Variants in GRHL2 observed in about 807,000 individuals in gnomAD.
GRHL2 encodes grainyhead like transcription factor 2.
Under a neutral mutation model 83.8 loss-of-function variants are expected in GRHL2, and 21 were observed. The ratio of observed to expected loss-of-function variants is 0.25; its 90% CI spans 0.18 to 0.36. The LOEUF is 0.36. Ranked by LOEUF, GRHL2 falls within the 10% of genes least tolerant of loss-of-function variation. GRHL2 has a pLI of 1.00. For missense variants in GRHL2, 623 were observed against 781.8 expected, an observed-to-expected ratio of 0.80 and a Z score of 2.42; for synonymous variants, 280 against 278.9, an observed-to-expected ratio of 1.00 and a Z score of -0.04.
At chr8:101,636,840 A>T in intron 11 of GRHL2, 57 bp from the exon 12 acceptor site, 1 of 1,502,022 alleles carries the variant, frequency 6.7e-7, no homozygotes, top group South Asian at 1.1e-5. Flanking sequence ...ACATCACGTA[A>T]TATTTTTTCC....
At chr8:101,575,206 CTTTT>C (rs571423616) in intron 6 of GRHL2, among the ~76,000 whole-genome samples, 2 of 144,654 alleles carry the variant, frequency 1.4e-5, no homozygotes, top group Non-Finnish European at 3.1e-5. Context: ...AATAAATTAG[CTTTT>C]TTTTTTTTAA....
chr8:101,665,788 C>CA (rs1814038133), intron 15 of GRHL2, among the ~76,000 whole-genome samples: 1 of 148,512 alleles, frequency 6.7e-6, no homozygotes, highest in African/African-American at 2.5e-5. Context: ...CCTGCTGACA[C>CA]ATAACTGTAA....
At chr8:101,596,363 CTT>C (rs1812391554) in intron 7 of GRHL2, among the ~76,000 whole-genome samples, 1 of 152,172 alleles carries the variant, frequency 6.6e-6, no homozygotes, top group Admixed American at 6.6e-5. Context: ...AGCAGGAACA[CTT>C]TGACAAAATG....
At chr8:101,562,971 T>A (rs903163077) in intron 4 of GRHL2, among the ~76,000 whole-genome samples, 1 of 152,222 alleles carries the variant, frequency 6.6e-6, no homozygotes, top group African/African-American at 2.4e-5. Flanking sequence ...AAAATGCAGC[T>A]GCCTGAGCTT....
intron 1 of GRHL2, among the ~76,000 whole-genome samples, chr8:101,533,284 A>C (rs1450793287): frequency 2.0e-5 from 3 of 152,240 alleles, no homozygotes; most frequent in Non-Finnish European, 4.4e-5. Flanking sequence ...ATAGCTCAAA[A>C]CCAACTTTAC....
chr8:101,589,903 T>A (rs919488154), intron 7 of GRHL2, among the ~76,000 whole-genome samples: 3 of 152,134 alleles, frequency 2.0e-5, no homozygotes, highest in African/African-American at 7.2e-5. Context: ...GCCTCTGGCA[T>A]GTATGTAGAT....
chr8:101,628,961 T>C (rs1463775569), intron 9 of GRHL2, among the ~76,000 whole-genome samples: 1 of 152,160 alleles, frequency 6.6e-6, no homozygotes, highest in African/African-American at 2.4e-5. Flanking sequence ...CTACTACTGG[T>C]GAAGAGGCTG....
chr8:101,676,806 C>T, the GRHL2 span, among the ~76,000 whole-genome samples: 1 of 152,114 alleles, frequency 6.6e-6, no homozygotes, highest in Non-Finnish European at 1.5e-5. Flanking sequence ...GACTTGGAAC[C>T]AACCCAAATG....
chr8:101,516,858 T>G (rs1015655140), intron 1 of GRHL2, among the ~76,000 whole-genome samples: 1 of 152,228 alleles, frequency 6.6e-6, no homozygotes, highest in Non-Finnish European at 1.5e-5. Context: ...GTTTCTTCAC[T>G]TATTGCCACC....
intron 8 of GRHL2, among the ~76,000 whole-genome samples, chr8:101,617,765 A>G (rs1326610446): frequency 6.6e-6 from 1 of 152,150 alleles, no homozygotes; most frequent in Non-Finnish European, 1.5e-5. Flanking sequence ...TCAGCCTTCC[A>G]AAGTGCTGGG....
intron 4 of GRHL2, among the ~76,000 whole-genome samples, chr8:101,567,714 G>A (rs564539123): frequency 4.6e-5 from 7 of 152,302 alleles, no homozygotes; most frequent in South Asian, 2.1e-4. Flanking sequence ...GTGGGATTCT[G>A]TATTTCAGCC....
chr8:101,627,267 C>T (rs1285933368), intron 9 of GRHL2, among the ~76,000 whole-genome samples: 1 of 152,102 alleles, frequency 6.6e-6, no homozygotes, highest in South Asian at 2.1e-4. Context: ...ATTTTGCCAA[C>T]AGCATGTGTT....
At chr8:101,671,540 C>T (rs891657917), downstream of GRHL2, among the ~76,000 whole-genome samples, 58 of 152,310 alleles carry the variant, frequency 3.8e-4, no homozygotes, top group Non-Finnish European at 6.6e-4. Flanking sequence ...CTGGGAAGCT[C>T]GAACTGGGTG....
intron 2 of GRHL2, among the ~76,000 whole-genome samples, chr8:101,549,830 C>T (rs1811341687): frequency 6.6e-6 from 1 of 151,902 alleles, no homozygotes; most frequent in South Asian, 2.1e-4. Context: ...CATGGCTCAG[C>T]CCCTCTGGGG....
In GRHL2 at chr8:101,586,937, C is replaced by A. The variant is rs187806067; in HGVS notation, c.1003+9418C>A. Among the ~76,000 whole-genome samples, 31 of 152,172 alleles carry A rather than the reference C, an allele frequency of 2.0e-4. 1 individual carries two copies. The highest frequency in any genetic ancestry group is 1.8e-3 in the Admixed American group (28 of 15,282). ...TTATATTTAAATATATTTTATTGTA[C>A]TATAAACATTTTGATATAACTTAAA... On this transcript the variant is annotated intron_variant, in intron 7 of 15. Transcript: ENST00000646743.
At chr8:101,548,987 T>C (rs1328263637) in intron 2 of GRHL2, among the ~76,000 whole-genome samples, 1 of 152,208 alleles carries the variant, frequency 6.6e-6, no homozygotes, top group Non-Finnish European at 1.5e-5. Flanking sequence ...ATTCTTTCAA[T>C]AAGTATTTAG....
chr8:101,594,428 G>A (rs1812351629), intron 7 of GRHL2, among the ~76,000 whole-genome samples: 1 of 152,208 alleles, frequency 6.6e-6, no homozygotes, highest in Admixed American at 6.5e-5. Flanking sequence ...AGGTTACTGA[G>A]TTTCCATTCC....
intron 7 of GRHL2, among the ~76,000 whole-genome samples, chr8:101,588,131 G>A (rs10091622): frequency 0.018 from 2,732 of 152,286 alleles, 33 homozygotes; most frequent in Non-Finnish European, 0.028. Flanking sequence ...ATAAATGAGA[G>A]TCTCGTCATT....
the GRHL2 span, among the ~76,000 whole-genome samples, chr8:101,680,719 A>G: frequency 7.7e-6 from 1 of 130,072 alleles, no homozygotes; most frequent in Non-Finnish European, 1.6e-5. Flanking sequence ...AGATTATAAT[A>G]AACTATCTCT....
Sources: allele counts gnomAD v4.1 joint callset (sites outside exome capture counted in the v4.1 genomes callset), GRCh38; gene constraint gnomAD v4.1.1; transcripts MANE v1.5; gene names NCBI Gene and HGNC (gene_info 2026-07-23, HGNC 2026-07-21).